The following ABHD12B variants were observed in gnomAD, a reference collection of about 807,000 sequenced individuals.
The protein encoded by ABHD12B is protein ABHD12B.
A neutral mutation model predicts 50.4 loss-of-function variants in ABHD12B; 42 were observed. The observed-to-expected ratio is 0.83, with a 90% confidence interval of 0.65 to 1.08. The LOEUF is 1.08. ABHD12B is among the 50% of genes least tolerant of loss of function. The pLI is 0.00. For missense variants in ABHD12B, 479 were observed against 447.7 expected, an observed-to-expected ratio of 1.07 and a Z score of -0.63; for synonymous variants, 167 against 160.3, an observed-to-expected ratio of 1.04 and a Z score of -0.32.
chr14:50,884,005 T>C (rs773861940), intron 5 of ABHD12B, among the ~76,000 whole-genome samples: 5 of 130,638 alleles, frequency 3.8e-5, no homozygotes, highest in Non-Finnish European at 6.5e-5. Context: ...TCCCACTATT[T>C]TATAGACATT....
chr14:50,899,845 C>A (rs1163994219), intron 9 of ABHD12B, among the ~76,000 whole-genome samples: 1 of 151,684 alleles, frequency 6.6e-6, no homozygotes, highest in South Asian at 2.1e-4. Context: ...TTGCTTGAAC[C>A]CAGGAGGCAG....
intron 9 of ABHD12B, chr14:50,893,135 A>G (rs1384949696): frequency 6.6e-6 from 1 of 152,232 alleles, no homozygotes; most frequent in Non-Finnish European, 1.5e-5. Context: ...CGTCGATTGA[A>G]TCGGGATTAT....
At position 50,903,601 on chromosome 14, in the gene ABHD12B, C is replaced by T. The variant is rs956556482; in HGVS notation, c.942+134C>T. 16 of 619,578 alleles carry T rather than the reference C, an allele frequency of 2.6e-5. No individual in the cohort carries two copies. In the Admixed American group the frequency reaches 3.3e-4, roughly 13 times the overall value. The allele number at this position is 619,578 out of a possible 1,614,324, so 38.4% of individuals were successfully genotyped here. Reference sequence around the variant, plus strand: ...GAGATTCTCTACACCCCTAAATAGCCTCTATAGGTTTATAAAATGGGTATC... The same window carrying T: ...GAGATTCTCTACACCCCTAAATAGCTTCTATAGGTTTATAAAATGGGTATC... On this transcript the variant is annotated intron_variant, in intron 11 of 12. Transcript: ENST00000337334.
intron 9 of ABHD12B, among the ~76,000 whole-genome samples, chr14:50,899,424 G>T (rs142109353): frequency 6.6e-5 from 10 of 152,286 alleles, no homozygotes; most frequent in African/African-American, 2.4e-4. Context: ...ACAGTTCATA[G>T]TAGGAGACTA....
At chr14:50,900,435 G>T (rs1191790886) in intron 9 of ABHD12B, among the ~76,000 whole-genome samples, 5 of 152,180 alleles carry the variant, frequency 3.3e-5, no homozygotes, top group Non-Finnish European at 5.9e-5. Context: ...GAATAAGAAA[G>T]TTGTGGTCCA....
intron 9 of ABHD12B, among the ~76,000 whole-genome samples, chr14:50,896,764 CT>C (rs1166690149): frequency 1.3e-5 from 2 of 152,170 alleles, no homozygotes; most frequent in African/African-American, 4.8e-5. Context: ...GGCCCCACCC[CT>C]ATCTCCCTTG....
At chr14:50,892,340 T>G in intron 9 of ABHD12B, 1 of 862,346 alleles carries the variant, frequency 1.2e-6, no homozygotes, top group Non-Finnish European at 1.4e-6. Context: ...GGAATGAGGG[T>G]AGTAGCACTG....
intron 4 of ABHD12B, among the ~76,000 whole-genome samples, chr14:50,881,113 C>T (rs2049937322): frequency 6.6e-6 from 1 of 152,216 alleles, no homozygotes; most frequent in Non-Finnish European, 1.5e-5. Context: ...CCCAACCTCG[C>T]TCTGTAACAA....
intron 5 of ABHD12B, among the ~76,000 whole-genome samples, chr14:50,883,735 G>A (rs1447937039): frequency 1.3e-5 from 2 of 152,204 alleles, no homozygotes; most frequent in Non-Finnish European, 2.9e-5. Context: ...GCAGATCGTG[G>A]GCATCAAGTG....
At chr14:50,873,618 T>C (rs1464827528) in intron 1 of ABHD12B, among the ~76,000 whole-genome samples, 1 of 152,210 alleles carries the variant, frequency 6.6e-6, no homozygotes, top group Non-Finnish European at 1.5e-5. Flanking sequence ...CTGGGTTGGA[T>C]CTGAACACGT....
In ABHD12B at chr14:50,880,486, A is replaced by G. The variant is rs749622217; in HGVS notation, c.370A>G (p.Lys124Glu). The change falls in exon 4 of 13, where the codon AAG becomes GAG. Residue 124 changes from lysine (K) to glutamate (E), a missense_variant. Physicochemically the swap from Lys to Glu is moderately conservative, Grantham distance 56. Transcript: ENST00000337334. Reference protein sequence around the residue: ...TVPSCRGEDAKGKDCCWYEAA... With the variant: ...TVPSCRGEDAEGKDCCWYEAA... ...CCCCAGCTGCCGGGGGGAAGATGCCAAGGGGAAGGACTGTTGCTGGTATGA... is the reference window on the plus strand; with the variant it reads ...CCCCAGCTGCCGGGGGGAAGATGCCGAGGGGAAGGACTGTTGCTGGTATGA... The G allele has an allele frequency of 6.2e-7, 1 of 1,611,012 alleles. No individual in the cohort carries two copies. Among genetic ancestry groups the G allele is most frequent in the Admixed American group, 1.7e-5 (1 of 59,560 alleles).
chr14:50,903,504 T>C, intron 11 of ABHD12B, 37 bp downstream of exon 11: 4 of 1,532,240 alleles, frequency 2.6e-6, no homozygotes, highest in Non-Finnish European at 3.6e-6. Flanking sequence ...AAATATACTA[T>C]ACTCATTTCA....
intron 4 of ABHD12B, among the ~76,000 whole-genome samples, 168 bp from the exon 5 acceptor site, chr14:50,881,428 C>CT (rs1408161378): frequency 6.8e-6 from 1 of 146,018 alleles, no homozygotes; most frequent in East Asian, 2.1e-4. Context: ...TGAAACCCAG[C>CT]ATTTTTTTTT....
At chr14:50,892,365 C>T (rs1006685380) in intron 9 of ABHD12B, 6 of 972,904 alleles carry the variant, frequency 6.2e-6, no homozygotes, top group Middle Eastern at 5.3e-4. Flanking sequence ...GGGGGAAGAG[C>T]AGAACAAGGA....
Position 50,885,664 on chromosome 14 carries a change from G to A in ABHD12B, c.532+5G>A. On this transcript the variant is annotated splice_donor_5th_base_variant and intron_variant, in intron 6 of 12. Transcript: ENST00000337334. ...TCTTGTCTGTTGACTACAGAGGTAT[G>A]TGTTAAGAACGGTGTACAAAGATGT... 1 of 1,614,186 alleles carries A rather than the reference G, an allele frequency of 6.2e-7. No homozygotes were observed. The highest frequency in any genetic ancestry group is 8.5e-7 in the Non-Finnish European group (1 of 1,180,022).
rs995596302 is a variant in ABHD12B at position 50,886,730 on chromosome 14, G to T, written c.700+46G>T. Reference sequence around the variant, plus strand: ...GGTATAATTTCCCATCTTCAGATGGGAAAGTAAAAACAGTCAAGAGACTAT... The same window carrying T: ...GGTATAATTTCCCATCTTCAGATGGTAAAGTAAAAACAGTCAAGAGACTAT... On this transcript the variant is annotated intron_variant, in intron 8 of 12. Coordinates refer to ENST00000337334, the MANE Select transcript of ABHD12B (RefSeq NM_001206673.2). 4 of 1,542,368 alleles carry T rather than the reference G, an allele frequency of 2.6e-6. No homozygotes were observed. The African/African-American group carries it at 5.4e-5, about 21-fold the overall frequency.
At chr14:50,872,858 T>C (rs1169209526) in intron 1 of ABHD12B, among the ~76,000 whole-genome samples, 1 of 152,172 alleles carries the variant, frequency 6.6e-6, no homozygotes, top group Non-Finnish European at 1.5e-5. Flanking sequence ...CAAGTTCTTA[T>C]GTTGTTTAAG....
At chr14:50,880,316 T>C in intron 3 of ABHD12B, 136 bp from the exon 4 acceptor site, 1 of 955,600 alleles carries the variant, frequency 1.0e-6, no homozygotes. Flanking sequence ...GTTAGATTTT[T>C]ATTTTTGCCA....
chr14:50,881,753 G>T, intron 5 of ABHD12B, 127 bp downstream of exon 5: 1 of 1,109,928 alleles, frequency 9.0e-7, no homozygotes, highest in Admixed American at 2.0e-5. Context: ...GGTGGGTTGT[G>T]GTGTCTGGGG....
Sources: allele counts gnomAD v4.1 joint callset (sites outside exome capture counted in the v4.1 genomes callset), GRCh38; gene constraint gnomAD v4.1.1; transcripts MANE v1.5; gene names NCBI Gene and HGNC (gene_info 2026-07-23, HGNC 2026-07-21).